The following ATRNL1 variants were observed in gnomAD, a reference collection of about 807,000 sequenced individuals.
ATRNL1 encodes attractin-like protein 1.
ATRNL1 carries 95 observed loss-of-function variants against 182.7 expected under a neutral mutation model. That is an observed-to-expected ratio of 0.52 (90% CI 0.44 to 0.62). ATRNL1 has a LOEUF of 0.62. Among genes scored for constraint, ATRNL1 ranks in the 20% least tolerant of loss-of-function variants. The pLI is 0.00. For synonymous variants in ATRNL1, 576 were observed against 568.3 expected (o/e 1.01, Z -0.19); for missense variants, 1,471 against 1,679.5 (o/e 0.88, Z 2.17).
intron 1 of ATRNL1, among the ~76,000 whole-genome samples, chr10:115,097,718 G>A (rs1406196769): frequency 1.3e-5 from 2 of 152,140 alleles, no homozygotes; most frequent in Admixed American, 1.3e-4. Context: ...GAGGTCAGGA[G>A]ATCGAGACCA....
chr10:115,830,747 T>G lies in ATRNL1; in HGVS notation c.3904-17130T>G, dbSNP rs565601482. On this transcript the variant is annotated intron_variant, in intron 27 of 28. Transcript: ENST00000355044. ...GAAGAAGCTGTCACAATCGAGCTTT[T>G]CCTCTTGGGGAACCTCAACCAAAGC... is the stretch of plus-strand genomic sequence containing the variant. 5.3e-5 allele frequency among the ~76,000 whole-genome samples: 8 copies of G among 152,254 alleles called. No homozygotes were observed. The South Asian group carries it at 1.5e-3, about 28-fold the overall frequency.
At chr10:115,154,667 G>C (rs1846417154) in intron 5 of ATRNL1, among the ~76,000 whole-genome samples, 1 of 152,120 alleles carries the variant, frequency 6.6e-6, no homozygotes, top group African/African-American at 2.4e-5. Context: ...GTATTTTGTA[G>C]CTGTTGATTG....
At chr10:115,429,943 C>T (rs553184640) in intron 21 of ATRNL1, among the ~76,000 whole-genome samples, 33 of 152,116 alleles carry the variant, frequency 2.2e-4, no homozygotes, top group East Asian at 5.8e-4. Flanking sequence ...TGGTGGCGGG[C>T]GCCTGTAGTC....
At chr10:115,637,922 T>C (rs1858988499) in intron 26 of ATRNL1, among the ~76,000 whole-genome samples, 1 of 152,060 alleles carries the variant, frequency 6.6e-6, no homozygotes, top group Admixed American at 6.6e-5. Context: ...CGCGCCCGGC[T>C]ATTAACTTCT....
intron 26 of ATRNL1, among the ~76,000 whole-genome samples, chr10:115,712,929 T>A (rs1555054986): frequency 6.6e-6 from 1 of 151,716 alleles, no homozygotes; most frequent in Non-Finnish European, 1.5e-5. Flanking sequence ...CCCGAGCACA[T>A]CTTATTCATG....
chr10:115,374,073 T>C (rs1423309899), intron 19 of ATRNL1, among the ~76,000 whole-genome samples: 1 of 151,864 alleles, frequency 6.6e-6, no homozygotes, highest in Non-Finnish European at 1.5e-5. Flanking sequence ...ATATTTTCTA[T>C]TTCTTCATGA....
intron 1 of ATRNL1, among the ~76,000 whole-genome samples, chr10:115,094,981 A>G (rs1049107283): frequency 3.9e-5 from 6 of 152,208 alleles, no homozygotes; most frequent in African/African-American, 1.2e-4. Flanking sequence ...TTGAAGCTCA[A>G]GGAGCCTAAG....
intron 26 of ATRNL1, among the ~76,000 whole-genome samples, chr10:115,601,487 T>A (rs1354870664): frequency 6.6e-6 from 1 of 152,214 alleles, no homozygotes; most frequent in Non-Finnish European, 1.5e-5. Context: ...TATCCATCTA[T>A]AATTGTGGAT....
At chr10:115,139,200 C>A (rs1359800202) in intron 5 of ATRNL1, among the ~76,000 whole-genome samples, 1 of 152,178 alleles carries the variant, frequency 6.6e-6, no homozygotes, top group Non-Finnish European at 1.5e-5. Context: ...TCTAGGGAGT[C>A]CACACTTTCC....
chr10:115,316,201 A>G (rs946620356), intron 18 of ATRNL1, among the ~76,000 whole-genome samples: 1 of 152,142 alleles, frequency 6.6e-6, no homozygotes, highest in Non-Finnish European at 1.5e-5. Flanking sequence ...GAGTGAGAAC[A>G]TGCAGTGTTT....
At chr10:115,394,919 G>A (rs563922082) in intron 20 of ATRNL1, among the ~76,000 whole-genome samples, 167 bp downstream of exon 20, 122 of 151,910 alleles carry the variant, frequency 8.0e-4, no homozygotes, top group African/African-American at 2.7e-3. Flanking sequence ...TTTTAACATG[G>A]GTGTATTGCA....
intron 1 of ATRNL1, among the ~76,000 whole-genome samples, chr10:115,115,159 A>G (rs537667621): frequency 7.8e-4 from 119 of 152,294 alleles, no homozygotes; most frequent in African/African-American, 2.8e-3. Flanking sequence ...GATCTCACTT[A>G]CATGTGGAAT....
intron 15 of ATRNL1, among the ~76,000 whole-genome samples, chr10:115,287,520 T>A (rs1564882275): frequency 6.6e-6 from 1 of 152,066 alleles, no homozygotes; most frequent in Non-Finnish European, 1.5e-5. Flanking sequence ...AAAAATGTCT[T>A]AATTTTTCTA....
intron 3 of ATRNL1, among the ~76,000 whole-genome samples, chr10:115,122,454 T>C (rs576633771): frequency 3.9e-5 from 6 of 151,910 alleles, no homozygotes; most frequent in Non-Finnish European, 7.4e-5. Flanking sequence ...TATGAACATG[T>C]ATAGATTTTA....
At chr10:115,527,326 GC>G (rs781910749) in intron 25 of ATRNL1, among the ~76,000 whole-genome samples, 11 of 152,036 alleles carry the variant, frequency 7.2e-5, no homozygotes, top group Non-Finnish European at 1.6e-4. Flanking sequence ...TCACCGTGTT[GC>G]CCAGGCTGGT....
At chr10:115,600,793 C>A (rs573864456) in intron 26 of ATRNL1, among the ~76,000 whole-genome samples, 1 of 151,692 alleles carries the variant, frequency 6.6e-6, no homozygotes, top group African/African-American at 2.4e-5. Flanking sequence ...AAGGAAACGT[C>A]CATTTGATGG....
intron 19 of ATRNL1, among the ~76,000 whole-genome samples, chr10:115,386,024 C>CT (rs1230727045): frequency 6.6e-5 from 10 of 150,882 alleles, no homozygotes; most frequent in Non-Finnish European, 1.0e-4. Context: ...TTTTTAAATG[C>CT]TTTTTTTTTC....
At chr10:115,937,946 T>A (rs1329803038) in intron 28 of ATRNL1, among the ~76,000 whole-genome samples, 1 of 152,198 alleles carries the variant, frequency 6.6e-6, no homozygotes, top group Non-Finnish European at 1.5e-5. Flanking sequence ...TGAACTCCAC[T>A]TAAACCTACA....
At chr10:115,478,920 A>G (rs566665359) in intron 24 of ATRNL1, among the ~76,000 whole-genome samples, 1 of 151,602 alleles carries the variant, frequency 6.6e-6, no homozygotes, top group Non-Finnish European at 1.5e-5. Flanking sequence ...TAAACCCATT[A>G]GATTTTAATT....
Sources: allele counts gnomAD v4.1 joint callset (sites outside exome capture counted in the v4.1 genomes callset), GRCh38; gene constraint gnomAD v4.1.1; transcripts MANE v1.5; gene names NCBI Gene and HGNC (gene_info 2026-07-23, HGNC 2026-07-21).